Variants in TUBB8B observed in about 807,000 individuals in gnomAD.
TUBB8B encodes HSA18p11 beta-tubulin 4Q pseudogene.
Under a neutral mutation model 31.9 loss-of-function variants are expected in TUBB8B, and 26 were observed. The ratio of observed to expected loss-of-function variants is 0.81; its 90% CI spans 0.60 to 1.13. The LOEUF is 1.13. TUBB8B is among the 50% of genes most tolerant of loss of function. The probability of loss-of-function intolerance (pLI) is 0.00; values close to 1 mark genes in which losing one functional copy is unlikely to be tolerated. For missense variants in TUBB8B, 467 were observed against 586.7 expected, an observed-to-expected ratio of 0.80 and a Z score of 2.11; for synonymous variants, 173 against 231.0, an observed-to-expected ratio of 0.75 and a Z score of 2.28.
At chr18:70,422 A>G in the TUBB8B span, among the ~76,000 whole-genome samples, 47 of 152,170 alleles carry the variant, frequency 3.1e-4, no homozygotes, top group African/African-American at 1.1e-3. Context: ...CACTTGAGGT[A>G]AGGAGTTTGA....
At chr18:49,717 G>T (rs1201042884), upstream of TUBB8B, 1 of 697,770 alleles carries the variant, frequency 1.4e-6, no homozygotes, top group African/African-American at 1.8e-5. Flanking sequence ...TTCCACACAG[G>T]TGCACCCACC....
At chr18:58,431 C>T in the TUBB8B span, among the ~76,000 whole-genome samples, 1 of 151,674 alleles carries the variant, frequency 6.6e-6, no homozygotes, top group African/African-American at 2.4e-5. Context: ...TAAATCATCA[C>T]TTTCAAATTC....
chr18:53,392 T>C (rs1388859407), upstream of TUBB8B, among the ~76,000 whole-genome samples: 1 of 151,968 alleles, frequency 6.6e-6, no homozygotes, highest in Non-Finnish European at 1.5e-5. Context: ...CAAATGATTA[T>C]AGTTAATATG....
chr18:72,518 GT>G, the TUBB8B span, among the ~76,000 whole-genome samples: 4 of 150,830 alleles, frequency 2.7e-5, no homozygotes, highest in African/African-American at 9.9e-5. Flanking sequence ...GCACACAATG[GT>G]TTTTTTGGTT....
chr18:63,064 T>G, the TUBB8B span, among the ~76,000 whole-genome samples: 2 of 151,914 alleles, frequency 1.3e-5, no homozygotes, highest in African/African-American at 4.8e-5. Context: ...TTGAATTACC[T>G]CAACCAGCTA....
chr18:62,107 A>G, the TUBB8B span, among the ~76,000 whole-genome samples: 1 of 151,764 alleles, frequency 6.6e-6, no homozygotes, highest in Non-Finnish European at 1.5e-5. Flanking sequence ...TGCCAGATAC[A>G]TTATTCTAAA....
At chr18:54,752 TACC>T in the TUBB8B span, among the ~76,000 whole-genome samples, 2 of 151,996 alleles carry the variant, frequency 1.3e-5, no homozygotes, top group African/African-American at 4.8e-5. Flanking sequence ...TGTGTATATG[TACC>T]ACATTTTCTC....
chr18:70,915 G>A, the TUBB8B span, among the ~76,000 whole-genome samples: 4 of 151,490 alleles, frequency 2.6e-5, no homozygotes, highest in Admixed American at 6.6e-5. Flanking sequence ...CTCCAGCCTC[G>A]GAAAAAAGAG....
chr18:54,429 A>T (rs181551393), upstream of TUBB8B, among the ~76,000 whole-genome samples: 187 of 146,260 alleles, frequency 1.3e-3, 4 homozygotes, highest in East Asian at 3.9e-4. Flanking sequence ...GTATAATTAA[A>T]TTTTTTTTAC....
the TUBB8B span, among the ~76,000 whole-genome samples, chr18:68,124 T>G: frequency 6.6e-6 from 1 of 152,204 alleles, no homozygotes; most frequent in Non-Finnish European, 1.5e-5. Flanking sequence ...TAGTGAAGTT[T>G]GATGTCGTCT....
At chr18:63,829 C>A in the TUBB8B span, among the ~76,000 whole-genome samples, 1 of 146,414 alleles carries the variant, frequency 6.8e-6, no homozygotes, top group Non-Finnish European at 1.5e-5. Flanking sequence ...CTAACCCTAA[C>A]CCCAACCCTT....
chr18:49,743 G>A (rs1268540898), upstream of TUBB8B: 23 of 684,412 alleles, frequency 3.4e-5, no homozygotes, highest in Admixed American at 3.0e-4. Flanking sequence ...ATCCCTTGGC[G>A]TTGAACGTCT....
the TUBB8B span, among the ~76,000 whole-genome samples, chr18:60,976 T>C: frequency 6.6e-6 from 1 of 151,770 alleles, no homozygotes; most frequent in Non-Finnish European, 1.5e-5. Flanking sequence ...GTTCATTTGT[T>C]ATACAGTGCA....
chr18:55,649 C>G, the TUBB8B span, among the ~76,000 whole-genome samples: 29 of 151,858 alleles, frequency 1.9e-4, 1 homozygote, highest in East Asian at 3.5e-3. Context: ...CACCTTCTAC[C>G]AAGTCTCTCC....
intron 1 of TUBB8B, 42 bp from the exon 2 acceptor site, chr18:49,279 A>T (rs1329317884): frequency 6.6e-7 from 1 of 1,512,998 alleles, no homozygotes; most frequent in African/African-American, 1.4e-5. Flanking sequence ...GGGCTGAGTC[A>T]CGGAGGCGCC....
chr18:56,973 A>G, the TUBB8B span, among the ~76,000 whole-genome samples: 5 of 151,860 alleles, frequency 3.3e-5, no homozygotes, highest in Admixed American at 6.6e-5. Context: ...AAAACTTACT[A>G]TTGTGAGAAT....
chr18:65,604 A>G, the TUBB8B span, among the ~76,000 whole-genome samples: 1 of 152,234 alleles, frequency 6.6e-6, no homozygotes, highest in Admixed American at 6.5e-5. Flanking sequence ...CACCATCTCC[A>G]TTGTCAGGGC....
the TUBB8B span, among the ~76,000 whole-genome samples, chr18:67,375 C>A: frequency 1.3e-5 from 2 of 152,104 alleles, no homozygotes; most frequent in African/African-American, 4.8e-5. Context: ...GAGAGTCTCA[C>A]ACTGTCACCC....
chr18:55,065 G>A, the TUBB8B span, among the ~76,000 whole-genome samples: 1 of 151,872 alleles, frequency 6.6e-6, no homozygotes, highest in Non-Finnish European at 1.5e-5. Context: ...GTATTAGTCT[G>A]TTTCTGCACT....
Sources: allele counts gnomAD v4.1 joint callset (sites outside exome capture counted in the v4.1 genomes callset), GRCh38; gene constraint gnomAD v4.1.1; transcripts MANE v1.5; gene names NCBI Gene and HGNC (gene_info 2026-07-23, HGNC 2026-07-21).